MKRN2: variants seen among roughly 807,000 people sequenced by gnomAD.
The protein encoded by MKRN2 is E3 ubiquitin-protein ligase makorin-2.
A neutral mutation model predicts 45.4 loss-of-function variants in MKRN2; 32 were observed. The observed-to-expected ratio is 0.70, with a 90% CI of 0.53 to 0.95. The LOEUF (loss-of-function observed/expected upper bound fraction) is 0.95. MKRN2 is among the 40% of genes least tolerant of loss of function. MKRN2 has a pLI of 0.00. For synonymous variants in MKRN2, 206 were observed against 192.4 expected (o/e 1.07, Z -0.59); for missense variants, 526 against 536.7 (o/e 0.98, Z 0.20).
intron 6 of MKRN2, among the ~76,000 whole-genome samples, chr3:12,577,801 G>A (rs1254325657): frequency 6.6e-6 from 1 of 151,844 alleles, no homozygotes; most frequent in Non-Finnish European, 1.5e-5. Flanking sequence ...TCAGCCTCCC[G>A]AGTAGCAGGG....
At chr3:12,576,943 T>TTC in intron 6 of MKRN2, 1 of 263,944 alleles carries the variant, frequency 3.8e-6, no homozygotes, top group Non-Finnish European at 7.0e-6. Flanking sequence ...GTTTTTTTTT[T>TTC]TTTTTTTTTT....
At chr3:12,572,730 G>A (rs773323457) in intron 4 of MKRN2, among the ~76,000 whole-genome samples, 21 of 151,336 alleles carry the variant, frequency 1.4e-4, no homozygotes, top group African/African-American at 2.9e-4. Context: ...GATTACAGGC[G>A]CCCACCACCA....
At position 12,568,952 on chromosome 3, in the gene MKRN2, C is replaced by T; in HGVS notation, c.104C>T (p.Thr35Ile). 6.2e-7 allele frequency: 1 copy of T among 1,614,138 alleles called. No individual in the cohort carries two copies. Among genetic ancestry groups the T allele is most frequent in the East Asian group, 2.2e-5 (1 of 44,886 alleles). ...SHDLANSKPS[T>I]ICKYYQKGYC... ...GACTTGGCAAACAGCAAACCGTCCA[C>T]CATCTGCAAGTACTACCAGAAGGGC... Residue 35 changes from threonine to isoleucine, a missense_variant, in exon 2 of 8, where the codon ACC becomes ATC. Transcript: ENST00000170447.
chr3:12,580,835 A>G (rs772918976), intron 6 of MKRN2, among the ~76,000 whole-genome samples: 8 of 152,186 alleles, frequency 5.3e-5, no homozygotes, highest in Admixed American at 4.6e-4. Flanking sequence ...CCCATCTGAC[A>G]AGACGGAAAA....
At chr3:12,570,840 G>A (rs1009453117) in intron 3 of MKRN2, among the ~76,000 whole-genome samples, 1 of 141,086 alleles carries the variant, frequency 7.1e-6, no homozygotes, top group Non-Finnish European at 1.5e-5. Flanking sequence ...CTGAGATCAC[G>A]CCACTGCACT....
chr3:12,578,222 T>G (rs2058154489), intron 6 of MKRN2, among the ~76,000 whole-genome samples: 1 of 152,154 alleles, frequency 6.6e-6, no homozygotes, highest in Non-Finnish European at 1.5e-5. Flanking sequence ...GTCTTTTAGT[T>G]CTTCAGGCCA....
rs2058189309 is a variant in MKRN2 at position 12,582,359 on chromosome 3, A to G, written c.*106A>G. 1 of 1,432,744 alleles carries G rather than the reference A, an allele frequency of 7.0e-7. No homozygotes were observed. Among genetic ancestry groups the G allele is most frequent in the South Asian group, 1.2e-5 (1 of 81,272 alleles). 88.8% of individuals were successfully genotyped at this position (1,432,744 alleles called of 1,614,324 possible). ...GCAGCCAAGGTGACGTGTGACTTGG[A>G]TTTGAGTGGAGTTGGGCTTAGCCTT... On this transcript the variant is annotated 3_prime_UTR_variant, in exon 8 of 8. Transcript: ENST00000170447.
chr3:12,574,566 C>T (rs1378033828), intron 4 of MKRN2, among the ~76,000 whole-genome samples: 2 of 152,130 alleles, frequency 1.3e-5, no homozygotes, highest in African/African-American at 4.8e-5. Flanking sequence ...CATGTCACCT[C>T]CTAGGAAAGC....
chr3:12,567,671 A>G (rs1288893626), intron 1 of MKRN2, among the ~76,000 whole-genome samples: 1 of 151,630 alleles, frequency 6.6e-6, no homozygotes, highest in Non-Finnish European at 1.5e-5. Context: ...TATTTTTTTT[A>G]GTAGAGACGG....
chr3:12,572,469 A>C (rs1325843848), intron 4 of MKRN2, 96 bp downstream of exon 4: 1 of 1,168,080 alleles, frequency 8.6e-7, no homozygotes, highest in Non-Finnish European at 1.2e-6. Flanking sequence ...AAGAAATCTG[A>C]AATGTACTAA....
chr3:12,567,057 T>A (rs2058072367), intron 1 of MKRN2, among the ~76,000 whole-genome samples: 2 of 152,230 alleles, frequency 1.3e-5, no homozygotes, highest in Non-Finnish European at 2.9e-5. Context: ...ATTTTTCTCC[T>A]GGTTATAGGT....
intron 1 of MKRN2, 115 bp downstream of exon 1, chr3:12,557,291 T>C: frequency 7.3e-7 from 1 of 1,371,284 alleles, no homozygotes; most frequent in Non-Finnish European, 9.7e-7. Context: ...GGAAAGTTAC[T>C]CGGCTGTTCG....
chr3:12,573,526 C>A (rs1437956557), intron 4 of MKRN2, among the ~76,000 whole-genome samples: 4 of 151,854 alleles, frequency 2.6e-5, no homozygotes, highest in Non-Finnish European at 5.9e-5. Flanking sequence ...AAGAGTGAGA[C>A]CCTGTCTCAA....
chr3:12,577,404 C>G (rs1048131111), intron 6 of MKRN2, among the ~76,000 whole-genome samples: 1 of 152,026 alleles, frequency 6.6e-6, no homozygotes, highest in African/African-American at 2.4e-5. Flanking sequence ...TGGGACTCTA[C>G]TTCCGTTTAT....
chr3:12,576,933 G>GTTTTTGTTTT lies in MKRN2; in HGVS notation c.968+197_968+198insGTTTTTTTTT, dbSNP rs56380121. The GTTTTTGTTTT allele has an allele frequency of 6.8e-3, 381 of 56,010 alleles. 30 individuals carry two copies. Among genetic ancestry groups the GTTTTTGTTTT allele is most frequent in the Non-Finnish European group, 9.2e-3 (300 of 32,608 alleles). The allele number at this position is 56,010 out of a possible 1,614,324, so 3.5% of individuals were successfully genotyped here. A position where few individuals can be genotyped will look rare whatever the true frequency, so the allele number is the denominator to read the frequency against. On this transcript the variant is annotated intron_variant, in intron 6 of 7. Transcript: ENST00000170447. ...TGATGTGGACCTGTTTAGTTTTGGTGTTTTTTTTTTTTTTTTTTTTTTTTC... is the reference window on the plus strand; with the variant it reads ...TGATGTGGACCTGTTTAGTTTTGGTGTTTTTGTTTTTTTTTTTTTTTTTTTTTTTTTTTTC...
At position 12,576,776 on chromosome 3, in the gene MKRN2, C is replaced by T. The variant is rs550499483; in HGVS notation, c.968+35C>T. The T allele has an allele frequency of 3.4e-4, 495 of 1,447,720 alleles. 3 individuals are homozygous for T. The South Asian group carries it at 5.4e-3, about 16-fold the overall frequency. 89.7% of individuals were successfully genotyped at this position (1,447,720 alleles called of 1,614,324 possible). On this transcript the variant is annotated intron_variant, in intron 6 of 7. Coordinates refer to ENST00000170447, the MANE Select transcript of MKRN2 (RefSeq NM_014160.5). ...TTTGAGTTTCGACGTGCCCCTGCTG[C>T]CTGCCTGGCTCTGCTGTCAGCCCGT...
In MKRN2 at chr3:12,570,108, G is replaced by T; in HGVS notation, c.193G>T (p.Ala65Ser). The part of the protein sequence containing the change: ...HTRPSAAAGG[A>S]VGTMAHSVPS... ...GAGGCCCTCTGCTGCAGCTGGAGGT[G>T]CTGTGGGCACCATGGCCCACAGTGT... Residue 65 changes from alanine (A) to serine (S), a missense_variant, in exon 3 of 8, where the codon GCT (alanine) becomes TCT (serine). Ala to Ser is a moderately conservative substitution (Grantham distance 99). Transcript: ENST00000170447. 6.2e-7 allele frequency: 1 copy of T among 1,613,448 alleles called. No homozygotes were observed. The highest frequency in any genetic ancestry group is 8.5e-7 in the Non-Finnish European group (1 of 1,179,780).
chr3:12,582,163 C>T lies in MKRN2; in HGVS notation c.1161C>T (p.Ser387=), dbSNP rs2058186077. Residue 387 remains serine (S), a synonymous_variant, in exon 8 of 8, where the codon AGC becomes AGT. Coordinates refer to ENST00000170447, the MANE Select transcript of MKRN2 (RefSeq NM_014160.5). ...GGGATTTCATCGAGAACCGAGAAAG[C>T]CGGCATGTCCCCAACAATGAAGATG... ...RLWDFIENRE[S]RHVPNNEDVD... 4 of 1,614,146 alleles carry T rather than the reference C, an allele frequency of 2.5e-6. No homozygotes were observed. Among genetic ancestry groups the T allele is most frequent in the Non-Finnish European group, 3.4e-6 (4 of 1,180,020 alleles).
At chr3:12,573,721 G>A (rs1414578271) in intron 4 of MKRN2, among the ~76,000 whole-genome samples, 2 of 151,816 alleles carry the variant, frequency 1.3e-5, no homozygotes, top group East Asian at 1.9e-4. Flanking sequence ...GTGAAACCCC[G>A]TCTCTACTAA....
Sources: gnomAD v4.1 joint callset for allele counts (sites outside exome capture counted in the v4.1 genomes callset) on GRCh38, gnomAD v4.1.1 for gene constraint, MANE v1.5 for transcripts, NCBI Gene and HGNC (gene_info 2026-07-23, HGNC 2026-07-21) for gene names.